FAF1: variants seen among roughly 807,000 people sequenced by gnomAD.
The protein encoded by FAF1 is Fas associated factor 1, also known as FAS-associated factor 1.
A neutral mutation model predicts 92.5 loss-of-function variants in FAF1; 25 were observed. The observed-to-expected ratio is 0.27, with a 90% CI of 0.20 to 0.38. The LOEUF is 0.38. FAF1 is among the 10% of genes least tolerant of loss of function. FAF1 has a pLI of 1.00. For synonymous variants in FAF1, 234 were observed against 273.2 expected (o/e 0.86, Z 1.42); for missense variants, 636 against 793.3 (o/e 0.80, Z 2.38).
chr1:50,905,107 A>G (rs571134395), intron 1 of FAF1, among the ~76,000 whole-genome samples: 36 of 152,184 alleles, frequency 2.4e-4, no homozygotes, highest in Non-Finnish European at 4.4e-4. Context: ...TCATTGTTCA[A>G]TTCCCACCTA....
intron 13 of FAF1, among the ~76,000 whole-genome samples, chr1:50,564,052 C>G (rs1650055972): frequency 6.6e-6 from 1 of 152,150 alleles, no homozygotes; most frequent in African/African-American, 2.4e-5. Flanking sequence ...TCAAAGCATT[C>G]ACTTAGTTTA....
intron 6 of FAF1, among the ~76,000 whole-genome samples, 160 bp downstream of exon 6, chr1:50,738,703 A>G (rs1184265416): frequency 3.3e-5 from 5 of 152,222 alleles, no homozygotes; most frequent in Non-Finnish European, 7.4e-5. Context: ...CAAACTATCC[A>G]GAACAAACTG....
At chr1:50,492,823 C>T (rs1646854978) in intron 15 of FAF1, among the ~76,000 whole-genome samples, 1 of 152,084 alleles carries the variant, frequency 6.6e-6, no homozygotes, top group African/African-American at 2.4e-5. Flanking sequence ...TTCCTGAAGC[C>T]TAATACATCT....
chr1:50,817,671 G>T (rs1014028930), intron 2 of FAF1, among the ~76,000 whole-genome samples: 1 of 152,076 alleles, frequency 6.6e-6, no homozygotes, highest in African/African-American at 2.4e-5. Flanking sequence ...CAATAAAAAA[G>T]ATTTTAAAAA....
At chr1:50,594,171 C>T (rs1018782447) in intron 9 of FAF1, among the ~76,000 whole-genome samples, 16 of 151,694 alleles carry the variant, frequency 1.1e-4, no homozygotes, top group East Asian at 3.9e-4. Flanking sequence ...AAAATTGAGC[C>T]GGGTGTGGTG....
intron 2 of FAF1, among the ~76,000 whole-genome samples, chr1:50,819,011 A>G (rs1644005134): frequency 6.6e-6 from 1 of 152,188 alleles, no homozygotes; most frequent in Admixed American, 6.5e-5. Flanking sequence ...CCCATCACAT[A>G]AGGTCAAGGG....
intron 4 of FAF1, among the ~76,000 whole-genome samples, chr1:50,746,259 TA>T (rs1557506353): frequency 1.9e-4 from 4 of 20,964 alleles, no homozygotes; most frequent in African/African-American, 9.3e-4. Flanking sequence ...TATATATATA[TA>T]TATATATATA....
At chr1:50,817,259 C>T (rs958963245) in intron 2 of FAF1, among the ~76,000 whole-genome samples, 5 of 152,014 alleles carry the variant, frequency 3.3e-5, no homozygotes, top group Non-Finnish European at 5.9e-5. Context: ...AATCAACAGA[C>T]GGATAAGCAA....
At chr1:50,535,752 G>C (rs1648446788) in intron 14 of FAF1, among the ~76,000 whole-genome samples, 1 of 152,160 alleles carries the variant, frequency 6.6e-6, no homozygotes, top group African/African-American at 2.4e-5. Flanking sequence ...AAGTTCAAAA[G>C]TTCTGTCAAA....
intron 17 of FAF1, among the ~76,000 whole-genome samples, chr1:50,486,404 C>T (rs1036259851): frequency 5.3e-5 from 8 of 152,170 alleles, no homozygotes; most frequent in African/African-American, 1.7e-4. Flanking sequence ...CCCTTTTGTT[C>T]ATGACTACTC....
At chr1:50,618,053 T>C (rs1653009830) in intron 8 of FAF1, among the ~76,000 whole-genome samples, 1 of 152,130 alleles carries the variant, frequency 6.6e-6, no homozygotes, top group African/African-American at 2.4e-5. Flanking sequence ...TTTTTTCCTT[T>C]GTTAATCTAG....
intron 13 of FAF1, among the ~76,000 whole-genome samples, chr1:50,557,224 A>G (rs183399312): frequency 3.6e-4 from 55 of 152,350 alleles, no homozygotes; most frequent in African/African-American, 1.3e-3. Context: ...GAGGGGAAGA[A>G]AAGCACATGA....
At chr1:50,657,740 T>C (rs1413775599) in intron 7 of FAF1, among the ~76,000 whole-genome samples, 1 of 152,182 alleles carries the variant, frequency 6.6e-6, no homozygotes, top group Non-Finnish European at 1.5e-5. Flanking sequence ...GAAATAGAGA[T>C]ACTAGTTCAC....
intron 6 of FAF1, among the ~76,000 whole-genome samples, chr1:50,720,509 T>C (rs1658365262): frequency 6.6e-6 from 1 of 152,202 alleles, no homozygotes; most frequent in South Asian, 2.1e-4. Flanking sequence ...CTTTTACGGA[T>C]AAATATTGAC....
At chr1:50,757,920 C>T (rs984317942) in intron 4 of FAF1, among the ~76,000 whole-genome samples, 3 of 151,868 alleles carry the variant, frequency 2.0e-5, no homozygotes, top group African/African-American at 7.3e-5. Flanking sequence ...CTAAAGTTTA[C>T]AACATAATTT....
chr1:50,682,504 A>G (rs1429561205), intron 7 of FAF1, among the ~76,000 whole-genome samples: 1 of 152,114 alleles, frequency 6.6e-6, no homozygotes, highest in Non-Finnish European at 1.5e-5. Context: ...ACAAATATGC[A>G]TGTCGTCTTA....
chr1:50,740,308 C>T (rs894616567), intron 5 of FAF1, among the ~76,000 whole-genome samples: 5 of 151,898 alleles, frequency 3.3e-5, no homozygotes, highest in Admixed American at 6.6e-5. Flanking sequence ...GACATTTGAG[C>T]AAAAACTTAA....
At chr1:50,553,355 A>T (rs2149047634) in intron 13 of FAF1, among the ~76,000 whole-genome samples, 1 of 152,340 alleles carries the variant, frequency 6.6e-6, no homozygotes, top group Non-Finnish European at 1.5e-5. Context: ...CTAGGAACCG[A>T]GAGGATTATC....
At chr1:50,691,337 G>A (rs1656913378) in intron 7 of FAF1, among the ~76,000 whole-genome samples, 1 of 151,816 alleles carries the variant, frequency 6.6e-6, no homozygotes. Flanking sequence ...CCATCTCCCG[G>A]GTTCAAGTGA....
Sources: gnomAD v4.1 joint callset for allele counts (sites outside exome capture counted in the v4.1 genomes callset) on GRCh38, gnomAD v4.1.1 for gene constraint, MANE v1.5 for transcripts, NCBI Gene and HGNC (gene_info 2026-07-23, HGNC 2026-07-21) for gene names.